Variants in SHC1 observed in about 807,000 individuals in gnomAD.
SHC1 encodes the protein SHC adaptor protein 1, also known as SHC-transforming protein 1.
Under a neutral mutation model 55.9 loss-of-function variants are expected in SHC1, and 30 were observed. That is an observed-to-expected ratio of 0.54 (90% CI 0.40 to 0.73). SHC1 has a LOEUF of 0.73. Ranked by LOEUF, SHC1 falls within the 30% of genes least tolerant of loss-of-function variation. SHC1 has a pLI of 0.00. For synonymous variants in SHC1, 309 were observed against 306.1 expected, an observed-to-expected ratio of 1.01 and a Z score of -0.10; for missense variants, 675 against 777.1, an observed-to-expected ratio of 0.87 and a Z score of 1.56.
At chr1:154,974,356 T>C, upstream of SHC1, 1 of 311,046 alleles carries the variant, frequency 3.2e-6, no homozygotes, top group East Asian at 7.9e-5. Context: ...CCTGCCTCCC[T>C]GGAGAAACTT....
intron 11 of SHC1, among the ~76,000 whole-genome samples, chr1:154,965,088 G>C (rs985328560): frequency 5.9e-5 from 9 of 152,184 alleles, no homozygotes; most frequent in Non-Finnish European, 1.2e-4. Flanking sequence ...CCAGGCTGGA[G>C]TGCAGTGGTG....
rs756096524 is a variant in SHC1 at position 154,962,517 on chromosome 1, C to T, written c.*1286G>A. On this transcript the variant is annotated 3_prime_UTR_variant, in exon 12 of 12. Transcript: ENST00000448116. ...TCAGGAACTGCAGGTTTTGCGTTTC[C>T]CCTCCATGAAACTGACAGGCATTCG... 1 of 152,458 alleles carries T rather than the reference C, an allele frequency of 6.6e-6. No individual in the cohort carries two copies. The highest frequency in any genetic ancestry group is 2.4e-5 in the African/African-American group (1 of 41,430). The allele number at this position is 152,458 out of a possible 1,614,324, so 9.4% of individuals were successfully genotyped here.
Position 154,965,551 on chromosome 1 carries a change from C to G in SHC1, c.1618G>C (p.Glu540Gln). 3 of 1,614,194 alleles carry G rather than the reference C, an allele frequency of 1.9e-6. No homozygotes were observed. Among genetic ancestry groups the G allele is most frequent in the Non-Finnish European group, 2.5e-6 (3 of 1,180,042 alleles). The stretch of plus-strand genomic sequence containing the variant: ...ACCTCTGCCACACTCACCACACCCT[C>G]AGGGTCCACCAGTAGCAAATGCTTA... ...QPKHLLLVDP[E>Q]GVVRTKDHRF... Residue 540 changes from glutamate to glutamine, a missense_variant, in exon 11 of 12, where the codon GAG becomes CAG. Physicochemically the swap from Glu to Gln is conservative, Grantham distance 29. Coordinates refer to ENST00000448116, the MANE Select transcript of SHC1 (RefSeq NM_001130040.2).
Position 154,969,991 on chromosome 1 carries a change from A to T in SHC1, c.495+41T>A, listed in dbSNP as rs1571450228. On this transcript the variant is annotated intron_variant, in intron 1 of 11. Transcript: ENST00000448116. ...AAGCTGGAGTGAGCATTAGAACTGG[A>T]GGGGGTCTGCGGGGGAATGGAGAGG... 2.5e-6 allele frequency: 4 copies of T among 1,608,300 alleles called. No homozygotes were observed. In the East Asian group the frequency reaches 8.9e-5, roughly 36 times the overall value.
intron 4 of SHC1, 25 bp from the exon 5 acceptor site, chr1:154,968,282 G>A (rs1377571433): frequency 5.6e-6 from 9 of 1,612,706 alleles, no homozygotes; most frequent in Non-Finnish European, 7.6e-6. Context: ...AGGGGATGAA[G>A]AAGGAAGGGA....
intron 1 of SHC1, 130 bp downstream of exon 1, chr1:154,969,902 G>A: frequency 2.8e-6 from 3 of 1,060,378 alleles, no homozygotes; most frequent in Non-Finnish European, 4.2e-6. Flanking sequence ...GATGAGAAAG[G>A]TTTAGGAAAT....
chr1:154,967,521 G>T, intron 7 of SHC1, 150 bp downstream of exon 7: 1 of 815,806 alleles, frequency 1.2e-6, no homozygotes, highest in Non-Finnish European at 1.9e-6. Flanking sequence ...TTCCTCCTGG[G>T]CCACAGGAAA....
At position 154,966,498 on chromosome 1, in the gene SHC1, A is replaced by G; in HGVS notation, c.1003T>C (p.Ser335Pro). Reference sequence around the variant, plus strand: ...TCTTCCTCCTCCTCATCCCATGCTGAGCCATCAAAGCCAGCCATCCTGAGG... The same window carrying G: ...TCTTCCTCCTCCTCATCCCATGCTGGGCCATCAAAGCCAGCCATCCTGAGG... The part of the protein sequence containing the change: ...PHDRMAGFDG[S>P]AWDEEEEEPP... The change falls in exon 8 of 12, where the codon TCA (serine) becomes CCA (proline). Residue 335 changes from serine to proline, a missense_variant. Physicochemically the swap from Ser to Pro is moderately conservative, Grantham distance 74 (BLOSUM62 -1). Coordinates refer to ENST00000448116, the MANE Select transcript of SHC1 (RefSeq NM_001130040.2). 3 of 1,596,918 alleles carry G rather than the reference A, an allele frequency of 1.9e-6. No homozygotes were observed. Among genetic ancestry groups the G allele is most frequent in the Non-Finnish European group, 2.6e-6 (3 of 1,170,414 alleles).
chr1:154,967,849 C>T (rs770386380), intron 6 of SHC1, 52 bp from the exon 7 acceptor site: 3 of 1,608,594 alleles, frequency 1.9e-6, no homozygotes, highest in African/African-American at 2.7e-5. Flanking sequence ...GGAGGAGGCA[C>T]AGACAGGGGC....
In SHC1 at chr1:154,962,729, A is replaced by C. The variant is rs896083828; in HGVS notation, c.*1074T>G. ...GAAAAGTCAAAAAGGTGATGTATAA[A>C]TGTAATAATTGATTATCATTTTGTG... On this transcript the variant is annotated 3_prime_UTR_variant, in exon 12 of 12. Transcript: ENST00000448116. 1 of 152,786 alleles carries C rather than the reference A, an allele frequency of 6.5e-6. No homozygotes were observed. Among genetic ancestry groups the C allele is most frequent in the African/African-American group, 2.4e-5 (1 of 41,462 alleles). The allele number at this position is 152,786 out of a possible 1,614,324, so 9.5% of individuals were successfully genotyped here.
chr1:154,973,473 T>C (rs1390389747), upstream of SHC1: 2 of 142,218 alleles, frequency 1.4e-5, no homozygotes, highest in African/African-American at 5.4e-5. Context: ...ATCGCACCAT[T>C]GCACTCCAGC....
intron 7 of SHC1, among the ~76,000 whole-genome samples, chr1:154,966,978 A>G (rs1656072113): frequency 6.6e-6 from 1 of 152,160 alleles, no homozygotes; most frequent in South Asian, 2.1e-4. Context: ...GTGTGGTGGC[A>G]TGCACCTGTA....
rs540719970 is a variant in SHC1 at position 154,970,746 on chromosome 1, C to G, written c.-220G>C. On this transcript the variant is annotated 5_prime_UTR_variant, in exon 1 of 12. Transcript: ENST00000448116. The surrounding 1 kb of genome is among the most constrained non-coding windows in gnomAD (Gnocchi z 5.5). Reference sequence around the variant, plus strand: ...CCCCGCCCAACGTGGAGCCTCTTCTCTGGCTGAGAAGAGAACAGGCTGGAC... The same window carrying G: ...CCCCGCCCAACGTGGAGCCTCTTCTGTGGCTGAGAAGAGAACAGGCTGGAC... 1 of 479,338 alleles carries G rather than the reference C, an allele frequency of 2.1e-6. No individual in the cohort carries two copies. The highest frequency in any genetic ancestry group is 3.7e-6 in the Non-Finnish European group (1 of 272,118). 29.7% of individuals were successfully genotyped at this position (479,338 alleles called of 1,614,324 possible).
chr1:154,965,328 C>A, intron 11 of SHC1: 1 of 1,476,696 alleles, frequency 6.8e-7, no homozygotes, highest in East Asian at 2.7e-5. Context: ...TGAGCCACCA[C>A]GCCTGGCCCT....
chr1:154,967,179 T>TG (rs1558055827), intron 7 of SHC1, among the ~76,000 whole-genome samples: 1 of 71,576 alleles, frequency 1.4e-5, no homozygotes. Context: ...TGTAGGGGGG[T>TG]GGGGGGCCGG....
At chr1:154,964,036 G>T (rs916565289) in intron 11 of SHC1, 105 bp from the exon 12 acceptor site, 50 of 1,205,208 alleles carry the variant, frequency 4.1e-5, no homozygotes, top group Middle Eastern at 1.9e-4. Context: ...TGAAGGAGGA[G>T]AAAAAAATGG....
Position 154,970,216 on chromosome 1 carries a change from G to A in SHC1, c.311C>T (p.Pro104Leu), listed in dbSNP as rs775900623. 3.7e-6 allele frequency: 6 copies of A among 1,613,598 alleles called. No homozygotes were observed. In the South Asian group the frequency reaches 6.6e-5, roughly 18 times the overall value. ...IVGAAMPDSG[P>L]LPLLQDMNKL... ...GTTCATGTCCTGGAGGAGGGGTAGG[G>A]GGCCTGAGTCTGGCATGGCTGCCCC... Residue 104 changes from proline to leucine, a missense_variant, in exon 1 of 12, where the codon CCC (proline) becomes CTC (leucine). Physicochemically the swap from Pro to Leu is moderately conservative, Grantham distance 98 (BLOSUM62 -3). Around this residue, in one of 3 missense-constraint regions of SHC1, gnomAD observed 156 missense variants for 159.1 expected, o/e 0.98. Coordinates refer to ENST00000448116, the MANE Select transcript of SHC1 (RefSeq NM_001130040.2). This position sits in a 1 kb window ranked among gnomAD's most constrained non-coding sequence, Gnocchi z 5.5.
intron 2 of SHC1, among the ~76,000 whole-genome samples, chr1:154,969,114 C>T (rs1342603368): frequency 6.6e-6 from 1 of 152,154 alleles, no homozygotes; most frequent in Non-Finnish European, 1.5e-5. Flanking sequence ...TTCCATCTAC[C>T]CCCCTTTTCT....
intron 11 of SHC1, 114 bp from the exon 12 acceptor site, chr1:154,964,045 G>T: frequency 9.0e-7 from 1 of 1,115,766 alleles, no homozygotes; most frequent in Non-Finnish European, 1.4e-6. Context: ...AGAAAAAAAT[G>T]GTGGGGGAGA....
Sources: allele counts gnomAD v4.1 joint callset (sites outside exome capture counted in the v4.1 genomes callset), GRCh38; gene constraint gnomAD v4.1.1; regional missense constraint gnomAD v4.1.1; non-coding constraint Gnocchi (gnomAD v3.1); transcripts MANE v1.5; gene names NCBI Gene and HGNC (gene_info 2026-07-23, HGNC 2026-07-21).